Variants in NHSL1 observed in about 807,000 individuals in gnomAD.
The protein encoded by NHSL1 is NHS like 1.
Under a neutral mutation model 95.0 loss-of-function variants are expected in NHSL1, and 48 were observed. That is an observed-to-expected ratio of 0.51 (90% CI 0.40 to 0.64). The LOEUF is 0.64. Ranked by LOEUF, NHSL1 falls within the 30% of genes least tolerant of loss-of-function variation. The probability of loss-of-function intolerance (pLI) is 0.00; values close to 1 mark genes in which losing one functional copy is unlikely to be tolerated. For synonymous variants in NHSL1, 783 were observed against 833.9 expected (o/e 0.94, Z 1.05); for missense variants, 1,971 against 2,077.7 (o/e 0.95, Z 1.00).
intron 1 of NHSL1, among the ~76,000 whole-genome samples, chr6:138,537,574 C>T (rs1247335500): frequency 1.5e-5 from 2 of 136,562 alleles, no homozygotes; most frequent in Non-Finnish European, 3.1e-5. Flanking sequence ...AGAGAAAATA[C>T]CAGCATCTTA....
chr6:138,490,586 C>G (rs894370876), intron 2 of NHSL1, among the ~76,000 whole-genome samples: 2 of 152,128 alleles, frequency 1.3e-5, no homozygotes, highest in African/African-American at 4.8e-5. Context: ...GTAGAGAAAT[C>G]TGGCTGGAAC....
intron 3 of NHSL1, among the ~76,000 whole-genome samples, chr6:138,447,961 G>A (rs77375540): frequency 0.014 from 2,156 of 152,190 alleles, 55 homozygotes; most frequent in African/African-American, 0.05. Context: ...TAGAGCTATT[G>A]TTGTTCAACT....
chr6:138,501,189 C>T (rs1209411668), upstream of NHSL1, among the ~76,000 whole-genome samples: 1 of 152,206 alleles, frequency 6.6e-6, no homozygotes, highest in Non-Finnish European at 1.5e-5. Flanking sequence ...CCCTCCATAG[C>T]ATGTAGCTTT....
At chr6:138,504,651 T>C (rs935936559) in intron 1 of NHSL1, among the ~76,000 whole-genome samples, 2 of 152,088 alleles carry the variant, frequency 1.3e-5, no homozygotes, top group African/African-American at 4.8e-5. Context: ...GGGTGAGTGG[T>C]AGGTGGTGGC....
Position 138,499,240 on chromosome 6 carries a change from C to G in NHSL1, c.51G>C (p.Lys17Asn). 6.5e-7 allele frequency: 1 copy of G among 1,546,884 alleles called. No individual in the cohort carries two copies. The highest frequency in any genetic ancestry group is 8.7e-7 in the Non-Finnish European group (1 of 1,143,052). ...AKIKSLIKLF[K>N]KKTVSNLDEE... ...AGAAAAGGAACTACTTACTTTTCTT[C>G]TTAAAAAGTTTAATTAAAGACTTAA... Residue 17 changes from lysine (K) to asparagine (N), a missense_variant, in exon 1 of 8, where the codon AAG (lysine) becomes AAC (asparagine). Lys to Asn is a moderately conservative substitution (Grantham distance 94). This residue lies in a region of NHSL1 where 1,602 missense variants were observed against 1,654.5 expected (regional missense o/e 0.97). Transcript: ENST00000343505.
intron 2 of NHSL1, among the ~76,000 whole-genome samples, chr6:138,486,583 A>T (rs1250815466): frequency 6.6e-6 from 1 of 151,774 alleles, no homozygotes; most frequent in Non-Finnish European, 1.5e-5. Flanking sequence ...CCAAGCCTCA[A>T]CCGCCCCCCT....
intron 1 of NHSL1, among the ~76,000 whole-genome samples, chr6:138,686,417 A>T (rs1319190094): frequency 1.3e-5 from 2 of 152,104 alleles, no homozygotes; most frequent in Non-Finnish European, 2.9e-5. Context: ...GCTACTAGCG[A>T]GGCTGAGGTG....
At chr6:138,545,680 T>C (rs1300179101) in exon 1 of NHSL1, 1 of 1,289,144 alleles carries the variant, frequency 7.8e-7, no homozygotes, top group Non-Finnish European at 1.0e-6. Context: ...TGTGGTCTGA[T>C]GAAGCCTGCA....
chr6:138,564,510 C>T (rs1783532942), intron 1 of NHSL1, among the ~76,000 whole-genome samples: 2 of 152,158 alleles, frequency 1.3e-5, no homozygotes, highest in Admixed American at 1.3e-4. Flanking sequence ...ACTAAAAATA[C>T]AAAAACTGGC....
chr6:138,679,101 C>G (rs1275043541), intron 1 of NHSL1, among the ~76,000 whole-genome samples: 3 of 152,152 alleles, frequency 2.0e-5, no homozygotes, highest in African/African-American at 4.8e-5. Flanking sequence ...TTCCACAAGA[C>G]AAGAACCAAA....
chr6:138,643,020 C>T (rs1440232091), intron 1 of NHSL1, among the ~76,000 whole-genome samples: 1 of 152,128 alleles, frequency 6.6e-6, no homozygotes, highest in Admixed American at 6.5e-5. Flanking sequence ...CCTATCCCTA[C>T]CATGAGCTTA....
chr6:138,495,489 T>G (rs1780295551), intron 2 of NHSL1, among the ~76,000 whole-genome samples: 1 of 152,280 alleles, frequency 6.6e-6, no homozygotes, highest in South Asian at 2.1e-4. Context: ...AACAAACAAG[T>G]GTGTTCAAAA....
intron 1 of NHSL1, among the ~76,000 whole-genome samples, chr6:138,632,093 G>A (rs958113260): frequency 6.6e-6 from 1 of 152,196 alleles, no homozygotes; most frequent in Non-Finnish European, 1.5e-5. Context: ...AGTACTGTCC[G>A]TGGGCCTGTG....
At chr6:138,653,821 TG>T (rs1562403418) in intron 1 of NHSL1, among the ~76,000 whole-genome samples, 1 of 152,204 alleles carries the variant, frequency 6.6e-6, no homozygotes, top group Non-Finnish European at 1.5e-5. Flanking sequence ...CAAATACATA[TG>T]AAATGTTTCA....
chr6:138,562,867 G>C (rs977297042), intron 1 of NHSL1, among the ~76,000 whole-genome samples: 2 of 152,060 alleles, frequency 1.3e-5, no homozygotes, highest in African/African-American at 4.8e-5. Context: ...CTTCGACCGA[G>C]TATTCACAAT....
intron 1 of NHSL1, among the ~76,000 whole-genome samples, chr6:138,676,628 T>C (rs551955506): frequency 6.6e-6 from 1 of 152,286 alleles, no homozygotes; most frequent in African/African-American, 2.4e-5. Flanking sequence ...TTACATGCCA[T>C]GTTCTAATGC....
chr6:138,487,154 G>A (rs549170334), intron 2 of NHSL1, among the ~76,000 whole-genome samples: 1 of 152,342 alleles, frequency 6.6e-6, no homozygotes, highest in Admixed American at 6.5e-5. Flanking sequence ...GAGTAGAGAT[G>A]TCTGGGGAGC....
chr6:138,525,568 TAAATAAATAAAA>T (rs1407877775), intron 1 of NHSL1, among the ~76,000 whole-genome samples: 316 of 144,042 alleles, frequency 2.2e-3, no homozygotes, highest in African/African-American at 7.5e-3. Context: ...AATAAATAAA[TAAATAAATAAAA>T]AGGGAAAGAT....
rs571445158 is a variant in NHSL1, at chr6:138,432,264, T to C, written c.2081A>G (p.Gln694Arg). 7 of 1,550,904 alleles carry C rather than the reference T, an allele frequency of 4.5e-6. No individual in the cohort carries two copies. In the South Asian group the frequency reaches 7.1e-5, roughly 16 times the overall value. ...GGCGATCAGGCTCTCGTTGAGCACCTGCCCGTTGCACTGGCTGCTCTTCTT... is the reference window on the plus strand; with the variant it reads ...GGCGATCAGGCTCTCGTTGAGCACCCGCCCGTTGCACTGGCTGCTCTTCTT... Reference protein sequence around the residue: ...IPKKSSQCNGQVLNESLIATL... With the variant: ...IPKKSSQCNGRVLNESLIATL... Residue 694 changes from glutamine (Q) to arginine (R), a missense_variant, in exon 6 of 8, where the codon CAG (glutamine) becomes CGG (arginine). Physicochemically the swap from Gln to Arg is conservative, Grantham distance 43. This residue lies in a region of NHSL1 where 1,602 missense variants were observed against 1,654.5 expected (regional missense o/e 0.97). Coordinates refer to ENST00000343505, the MANE Select transcript of NHSL1 (RefSeq NM_001144060.2). The surrounding 1 kb of genome is among the most constrained non-coding windows in gnomAD (Gnocchi z 4.4).
Sources: allele counts gnomAD v4.1 joint callset (sites outside exome capture counted in the v4.1 genomes callset), GRCh38; gene constraint gnomAD v4.1.1; regional missense constraint gnomAD v4.1.1; non-coding constraint Gnocchi (gnomAD v3.1); transcripts MANE v1.5; gene names NCBI Gene and HGNC (gene_info 2026-07-23, HGNC 2026-07-21).